Variants in SEMA3E observed in about 807,000 individuals in gnomAD.
The protein encoded by SEMA3E is semaphorin 3E, also known as semaphorin-3E.
Under a neutral mutation model 93.6 loss-of-function variants are expected in SEMA3E, and 49 were observed. The ratio of observed to expected loss-of-function variants is 0.52; its 90% confidence interval spans 0.42 to 0.66. SEMA3E has a LOEUF of 0.66. Among genes scored for constraint, SEMA3E ranks in the 30% least tolerant of loss-of-function variants. The probability of loss-of-function intolerance (pLI) is 0.00; values close to 1 mark genes in which losing one functional copy is unlikely to be tolerated. For synonymous variants in SEMA3E, 363 were observed against 330.7 expected (o/e 1.10, Z -1.06); for missense variants, 906 against 964.8 (o/e 0.94, Z 0.81).
chr7:83,367,768 G>A lies in SEMA3E; in HGVS notation c.2146C>T (p.Leu716=), dbSNP rs199891344. Residue 716 remains leucine, a synonymous_variant, in exon 17 of 17, where the codon CTG becomes TTG. Coordinates refer to ENST00000643230, the MANE Select transcript of SEMA3E (RefSeq NM_012431.3). Reference sequence around the variant, plus strand: ...CTCTGGAAGTTGCTATAACCGATCAGCTGCAAGAATTCCTTGTACCATGGT... The same window carrying A: ...CTCTGGAAGTTGCTATAACCGATCAACTGCAAGAATTCCTTGTACCATGGT... The part of the protein sequence containing the change: ...AKPWYKEFLQ[L]IGYSNFQRVE... The A allele has an allele frequency of 3.8e-4, 612 of 1,614,072 alleles. 4 individuals are homozygous for A. The highest frequency in any genetic ancestry group is 3.8e-5 in the Non-Finnish European group (45 of 1,180,016).
chr7:83,534,236 T>A (rs1554335802), intron 1 of SEMA3E, among the ~76,000 whole-genome samples: 6 of 152,264 alleles, frequency 3.9e-5, no homozygotes, highest in African/African-American at 9.6e-5. Context: ...ATCTCATTTT[T>A]AAAAAAATAC....
intron 2 of SEMA3E, among the ~76,000 whole-genome samples, chr7:83,473,229 A>C (rs74846594): frequency 0.013 from 2,016 of 152,256 alleles, 13 homozygotes; most frequent in Non-Finnish European, 0.019. Context: ...ATTTTTACAA[A>C]CAGCTTCTTT....
intron 1 of SEMA3E, among the ~76,000 whole-genome samples, chr7:83,623,222 T>C (rs10243232): frequency 0.018 from 2,668 of 152,134 alleles, 76 homozygotes; most frequent in African/African-American, 0.059. Flanking sequence ...GACAACAATA[T>C]AATTTATAAA....
At chr7:83,493,117 C>T (rs1220570669) in intron 1 of SEMA3E, among the ~76,000 whole-genome samples, 1 of 151,856 alleles carries the variant, frequency 6.6e-6, no homozygotes, top group Non-Finnish European at 1.5e-5. Context: ...TAAAATGAAG[C>T]TGATAAAACA....
At chr7:83,552,990 T>G (rs1409710119) in intron 1 of SEMA3E, among the ~76,000 whole-genome samples, 2 of 152,096 alleles carry the variant, frequency 1.3e-5, no homozygotes, top group Non-Finnish European at 2.9e-5. Context: ...TAGACTCTTA[T>G]TAGTAGTTCT....
intron 1 of SEMA3E, among the ~76,000 whole-genome samples, chr7:83,579,299 A>C (rs1792472142): frequency 6.6e-6 from 1 of 152,168 alleles, no homozygotes; most frequent in Admixed American, 6.6e-5. Context: ...AAGATGCCTT[A>C]GTGTGACAAT....
chr7:83,593,199 A>G (rs767124680), intron 1 of SEMA3E, among the ~76,000 whole-genome samples: 11 of 151,892 alleles, frequency 7.2e-5, no homozygotes, highest in East Asian at 1.9e-4. Context: ...TCAAATTTAT[A>G]TATTTGTAAT....
intron 16 of SEMA3E, among the ~76,000 whole-genome samples, chr7:83,375,786 T>C (rs1794814626): frequency 6.6e-6 from 1 of 151,980 alleles, no homozygotes; most frequent in Admixed American, 6.6e-5. Flanking sequence ...TACTCAATAT[T>C]CTCCTGGAAA....
intron 1 of SEMA3E, among the ~76,000 whole-genome samples, chr7:83,608,375 T>G (rs895401777): frequency 2.6e-5 from 4 of 152,302 alleles, no homozygotes; most frequent in South Asian, 2.1e-4. Flanking sequence ...TACAAAATAA[T>G]AGAGCCTTAA....
chr7:83,398,907 G>T (rs1340122799), intron 11 of SEMA3E, among the ~76,000 whole-genome samples: 1 of 152,068 alleles, frequency 6.6e-6, no homozygotes, highest in Non-Finnish European at 1.5e-5. Flanking sequence ...TCGTGCCATT[G>T]CACTCCAGCC....
chr7:83,551,483 A>G (rs1395761836), intron 1 of SEMA3E, among the ~76,000 whole-genome samples: 1 of 152,204 alleles, frequency 6.6e-6, no homozygotes, highest in African/African-American at 2.4e-5. Flanking sequence ...AGTGATAAAT[A>G]TAAAATTCAA....
At chr7:83,556,857 C>T (rs898647450) in intron 1 of SEMA3E, among the ~76,000 whole-genome samples, 1 of 152,256 alleles carries the variant, frequency 6.6e-6, no homozygotes, top group South Asian at 2.1e-4. Flanking sequence ...CTGGAGGAGA[C>T]AAGTCAGGCC....
At chr7:83,495,845 T>A (rs2115578668) in intron 1 of SEMA3E, among the ~76,000 whole-genome samples, 1 of 152,114 alleles carries the variant, frequency 6.6e-6, no homozygotes. Flanking sequence ...GTAAAATTTC[T>A]ATATTACACA....
chr7:83,498,026 G>C (rs1476009418), intron 1 of SEMA3E, among the ~76,000 whole-genome samples: 2 of 152,212 alleles, frequency 1.3e-5, no homozygotes, highest in East Asian at 3.9e-4. Context: ...TAATGATTAA[G>C]ATGAAGACAT....
At chr7:83,385,188 T>G (rs1462065292) in intron 16 of SEMA3E, 106 bp downstream of exon 16, 1 of 1,210,762 alleles carries the variant, frequency 8.3e-7, no homozygotes, top group Non-Finnish European at 1.2e-6. Context: ...AAGGCATGCA[T>G]AGTACAACAG....
chr7:83,365,474 G>A lies in SEMA3E; in HGVS notation c.*2112C>T, dbSNP rs111966488. Reference sequence around the variant, plus strand: ...ATTTATTTTCCTATAATAAATTTTAGCATTTTATGTAAAATGTTTCTTTTC... The same window carrying A: ...ATTTATTTTCCTATAATAAATTTTAACATTTTATGTAAAATGTTTCTTTTC... On this transcript the variant is annotated 3_prime_UTR_variant, in exon 17 of 17. Coordinates refer to ENST00000643230, the MANE Select transcript of SEMA3E (RefSeq NM_012431.3). 1.4e-4 allele frequency: 21 copies of A among 151,984 alleles called. 2 individuals are homozygous for A. The highest frequency in any genetic ancestry group is 4.8e-4 in the African/African-American group (20 of 41,454). 9.4% of individuals were successfully genotyped at this position (151,984 alleles called of 1,614,324 possible). A position where few individuals can be genotyped will look rare whatever the true frequency, so the allele number is the denominator to read the frequency against.
chr7:83,576,052 A>T (rs1792395008), intron 1 of SEMA3E, among the ~76,000 whole-genome samples: 1 of 152,350 alleles, frequency 6.6e-6, no homozygotes, highest in East Asian at 1.9e-4. Context: ...CTATCAAATT[A>T]TATGTATTGG....
At chr7:83,588,422 G>A (rs1225787504) in intron 1 of SEMA3E, among the ~76,000 whole-genome samples, 1 of 152,028 alleles carries the variant, frequency 6.6e-6, no homozygotes, top group Non-Finnish European at 1.5e-5. Context: ...AATCTCTGTA[G>A]TTGAAAACCT....
chr7:83,412,318 C>T (rs1184208599), intron 5 of SEMA3E, among the ~76,000 whole-genome samples: 1 of 152,020 alleles, frequency 6.6e-6, no homozygotes, highest in Non-Finnish European at 1.5e-5. Flanking sequence ...TGAAATGATG[C>T]CTCATTAATG....
Sources: allele counts gnomAD v4.1 joint callset (sites outside exome capture counted in the v4.1 genomes callset), GRCh38; gene constraint gnomAD v4.1.1; transcripts MANE v1.5; gene names NCBI Gene and HGNC (gene_info 2026-07-23, HGNC 2026-07-21).